The following CFAP77 variants were observed in gnomAD, a reference collection of about 807,000 sequenced individuals.
CFAP77 encodes cilia- and flagella-associated protein 77.
A neutral mutation model predicts 31.1 loss-of-function variants in CFAP77; 25 were observed. The observed-to-expected ratio is 0.80, with a 90% CI of 0.59 to 1.12. The LOEUF is 1.12. Ranked by LOEUF, CFAP77 falls within the 50% of genes most tolerant of loss-of-function variation. The probability of loss-of-function intolerance (pLI) is 0.00; values close to 1 mark genes in which losing one functional copy is unlikely to be tolerated. For synonymous variants in CFAP77, 151 were observed against 159.9 expected (o/e 0.94, Z 0.42); for missense variants, 377 against 397.3 (o/e 0.95, Z 0.44).
intron 3 of CFAP77, among the ~76,000 whole-genome samples, chr9:132,523,489 C>G (rs1852305596): frequency 6.6e-6 from 1 of 152,258 alleles, no homozygotes; most frequent in South Asian, 2.1e-4. Context: ...TCTCAGGGAT[C>G]TCTCTGGCTC....
At chr9:132,507,843 G>C (rs1001729372) in intron 3 of CFAP77, among the ~76,000 whole-genome samples, 2 of 152,178 alleles carry the variant, frequency 1.3e-5, no homozygotes, top group Non-Finnish European at 1.5e-5. Flanking sequence ...ACCACAAGGG[G>C]GAGCATGTGG....
chr9:132,537,491 T>G, intron 3 of CFAP77, 110 bp from the exon 4 acceptor site: 1 of 711,688 alleles, frequency 1.4e-6, no homozygotes, highest in Non-Finnish European at 2.4e-6. Context: ...GTGGGAGTGA[T>G]GTACCCCACA....
intron 1 of CFAP77, among the ~76,000 whole-genome samples, chr9:132,489,166 T>C (rs1485590300): frequency 2.0e-5 from 3 of 152,194 alleles, no homozygotes; most frequent in East Asian, 1.9e-4. Flanking sequence ...AATTCCCTGA[T>C]GTGCAACACT....
At chr9:132,453,491 A>C (rs1240990799) in intron 1 of CFAP77, among the ~76,000 whole-genome samples, 1 of 152,230 alleles carries the variant, frequency 6.6e-6, no homozygotes, top group East Asian at 1.9e-4. Context: ...ACGCCATTGC[A>C]CTCCAGCCTG....
chr9:132,502,852 G>A (rs1287539233), intron 3 of CFAP77, among the ~76,000 whole-genome samples: 4 of 152,276 alleles, frequency 2.6e-5, no homozygotes, highest in East Asian at 1.9e-4. Flanking sequence ...GGTGGTAATC[G>A]TGTTTTAAGT....
rs1849962132 is a variant in CFAP77 at position 132,410,320 on chromosome 9, C to G, written c.49C>G (p.Gln17Glu). ...CCCGGACCTCACGCGATGGAGGAAG[C>G]AGCAGCAGCCTGTGCGCCGCACGGT... ...SGPDLTRWRK[Q>E]QQPVRRTVSQ... The change falls in exon 1 of 6, where the codon CAG becomes GAG. Residue 17 changes from glutamine (Q) to glutamate (E), a missense_variant. Coordinates refer to ENST00000393216, the MANE Select transcript of CFAP77 (RefSeq NM_001282957.2). 6.3e-7 allele frequency: 1 copy of G among 1,596,458 alleles called. No homozygotes were observed. The highest frequency in any genetic ancestry group is 8.5e-7 in the Non-Finnish European group (1 of 1,172,928).
rs970911534 is a variant in CFAP77, at chr9:132,533,058, A to G, written c.525-4543A>G. Among the ~76,000 whole-genome samples, 3 of 152,298 alleles carry G rather than the reference A, an allele frequency of 2.0e-5. No individual in the cohort carries two copies. In the East Asian group the frequency reaches 5.8e-4, roughly 29 times the overall value. ...CTTCATGGGACTTTGGGAGGCTCAGAGCCTGGGGTTAGATCATCTCCAGGT... is the reference window on the plus strand; with the variant it reads ...CTTCATGGGACTTTGGGAGGCTCAGGGCCTGGGGTTAGATCATCTCCAGGT... On this transcript the variant is annotated intron_variant, in intron 3 of 5. Transcript: ENST00000393216.
At chr9:132,485,041 G>A (rs934464566) in intron 1 of CFAP77, among the ~76,000 whole-genome samples, 3 of 151,960 alleles carry the variant, frequency 2.0e-5, no homozygotes, top group Non-Finnish European at 2.9e-5. Flanking sequence ...TAGAGACAGG[G>A]TTTCACCATT....
chr9:132,486,860 C>A (rs139493395), intron 1 of CFAP77, among the ~76,000 whole-genome samples: 158 of 152,352 alleles, frequency 1.0e-3, no homozygotes, highest in African/African-American at 3.6e-3. Context: ...GGGGAGGGAA[C>A]GGTGGGGCCC....
At chr9:132,519,520 G>A (rs1373540638) in intron 3 of CFAP77, among the ~76,000 whole-genome samples, 2 of 64,886 alleles carry the variant, frequency 3.1e-5, no homozygotes, top group Non-Finnish European at 3.2e-5. Flanking sequence ...GGGTGGGTGG[G>A]TAGATGGATG....
At chr9:132,546,641 G>A (rs544359575) in intron 5 of CFAP77, among the ~76,000 whole-genome samples, 16 of 152,354 alleles carry the variant, frequency 1.1e-4, no homozygotes, top group African/African-American at 2.4e-4. Flanking sequence ...TTACAGGGTC[G>A]AGAGAGGAGA....
chr9:132,525,965 C>T (rs1353159512), intron 3 of CFAP77, among the ~76,000 whole-genome samples: 3 of 152,102 alleles, frequency 2.0e-5, no homozygotes, highest in Non-Finnish European at 2.9e-5. Context: ...TGATCTATAG[C>T]TTGTCTTTTC....
chr9:132,562,718 G>C (rs1367587800), intron 5 of CFAP77, among the ~76,000 whole-genome samples: 1 of 145,424 alleles, frequency 6.9e-6, no homozygotes, highest in African/African-American at 2.6e-5. Flanking sequence ...TTTTTTTTTT[G>C]AGACAGAGTC....
At chr9:132,439,663 G>T (rs1850580146) in intron 1 of CFAP77, among the ~76,000 whole-genome samples, 1 of 151,960 alleles carries the variant, frequency 6.6e-6, no homozygotes, top group South Asian at 2.1e-4. Context: ...TGGCTAACAT[G>T]GTGAAACCCT....
chr9:132,485,132 G>A (rs1851518844), intron 1 of CFAP77, among the ~76,000 whole-genome samples: 1 of 152,158 alleles, frequency 6.6e-6, no homozygotes. Flanking sequence ...AAGCAGATGT[G>A]TTCATTGTAT....
intron 3 of CFAP77, among the ~76,000 whole-genome samples, chr9:132,516,430 G>T (rs1440314831): frequency 6.6e-6 from 1 of 152,080 alleles, no homozygotes; most frequent in African/African-American, 2.4e-5. Flanking sequence ...GTTTCTTGTC[G>T]GGATGAAATG....
At chr9:132,428,820 CT>C (rs879629469) in intron 1 of CFAP77, among the ~76,000 whole-genome samples, 22 of 152,132 alleles carry the variant, frequency 1.4e-4, no homozygotes, top group Admixed American at 2.6e-4. Flanking sequence ...AGACCCCCCC[CT>C]GCTCTGCGTA....
intron 1 of CFAP77, among the ~76,000 whole-genome samples, chr9:132,483,226 G>A (rs1283480278): frequency 2.6e-5 from 4 of 151,988 alleles, no homozygotes; most frequent in Non-Finnish European, 5.9e-5. Flanking sequence ...AGCCAAGATC[G>A]CACCATTGCA....
At chr9:132,551,018 A>G (rs1852812498) in intron 5 of CFAP77, among the ~76,000 whole-genome samples, 1 of 152,154 alleles carries the variant, frequency 6.6e-6, no homozygotes, top group Non-Finnish European at 1.5e-5. Context: ...CATTTGGGGT[A>G]GGGGGAAAGT....
Sources: allele counts gnomAD v4.1 joint callset (sites outside exome capture counted in the v4.1 genomes callset), GRCh38; gene constraint gnomAD v4.1.1; transcripts MANE v1.5; gene names NCBI Gene and HGNC (gene_info 2026-07-23, HGNC 2026-07-21).